ZNF280B: variants seen among roughly 807,000 people sequenced by gnomAD.
ZNF280B encodes suppressor of hairy wing homolog 2.
Under a neutral mutation model 38.0 loss-of-function variants are expected in ZNF280B, and 16 were observed. The observed-to-expected ratio is 0.42, with a 90% confidence interval of 0.28 to 0.64. The LOEUF (loss-of-function observed/expected upper bound fraction) is 0.64, where lower values mean the gene tolerates loss of function less well. Among genes scored for constraint, ZNF280B ranks in the 30% least tolerant of loss-of-function variants. ZNF280B has a pLI of 0.21. For missense variants in ZNF280B, 581 were observed against 639.6 expected, an observed-to-expected ratio of 0.91 and a Z score of 0.99; for synonymous variants, 253 against 230.6, an observed-to-expected ratio of 1.10 and a Z score of -0.88.
At chr22:22,508,139 G>T (rs2146877825) in intron 1 of ZNF280B, among the ~76,000 whole-genome samples, 1 of 152,054 alleles carries the variant, frequency 6.6e-6, no homozygotes, top group Admixed American at 6.6e-5. Context: ...GGTCCCAGGG[G>T]CTGCATTAAG....
intron 2 of ZNF280B, among the ~76,000 whole-genome samples, chr22:22,506,862 G>A (rs575775787): frequency 3.9e-5 from 6 of 152,000 alleles, no homozygotes; most frequent in African/African-American, 1.2e-4. Flanking sequence ...AAATGGTTGC[G>A]GTGGCCATCC....
chr22:22,506,194 G>C (rs1159606656), intron 2 of ZNF280B, among the ~76,000 whole-genome samples: 1 of 151,788 alleles, frequency 6.6e-6, no homozygotes, highest in Non-Finnish European at 1.5e-5. Context: ...TCAGTATGTA[G>C]CATTATTTAA....
chr22:22,498,834 G>A (rs1488183832), intron 2 of ZNF280B, among the ~76,000 whole-genome samples: 1 of 115,012 alleles, frequency 8.7e-6, no homozygotes, highest in Non-Finnish European at 1.6e-5. Flanking sequence ...GTCTCGCTCT[G>A]TCGCCCAGGC....
chr22:22,491,448 GTCTTTTT>G (rs1409342147), intron 3 of ZNF280B, among the ~76,000 whole-genome samples: 1 of 118,302 alleles, frequency 8.5e-6, no homozygotes, highest in African/African-American at 3.9e-5. Context: ...CATTTTTCTT[GTCTTTTT>G]TCTTTTTTTT....
intron 3 of ZNF280B, among the ~76,000 whole-genome samples, chr22:22,491,534 C>T (rs1165792832): frequency 1.3e-5 from 2 of 149,738 alleles, no homozygotes; most frequent in African/African-American, 2.5e-5. Flanking sequence ...TCTCAGCTCA[C>T]GGCAACCTCT....
intron 2 of ZNF280B, among the ~76,000 whole-genome samples, chr22:22,505,080 A>G (rs4820450): frequency 0.15 from 22,551 of 151,886 alleles, 1,960 homozygotes; most frequent in South Asian, 0.29. Context: ...GAATATGGCT[A>G]TCTGGGGAAG....
chr22:22,487,725 A>G lies in ZNF280B; in HGVS notation c.*42T>C. 2 of 1,509,820 alleles carry G rather than the reference A, an allele frequency of 1.3e-6. No homozygotes were observed. The highest frequency in any genetic ancestry group is 1.4e-5 in the South Asian group (1 of 73,938). The allele number at this position is 1,509,820 out of a possible 1,614,324, so 93.5% of individuals were successfully genotyped here. ...ATTTTTTGTTTTATGAGGTTTTTTA[A>G]TTTGGTTTGAAATACTTGCTTTAGA... is the stretch of plus-strand genomic sequence containing the variant. On this transcript the variant is annotated 3_prime_UTR_variant, in exon 4 of 4. Coordinates refer to ENST00000626650, the MANE Select transcript of ZNF280B (RefSeq NM_080764.4).
At position 22,494,096 on chromosome 22, in the gene ZNF280B, CAAG is replaced by C. The variant is rs1053881281; in HGVS notation, c.-105_-103del. On this transcript the variant is annotated 5_prime_UTR_variant, in exon 3 of 4. Transcript: ENST00000626650. The stretch of plus-strand genomic sequence containing the variant: ...CTCTTTCTGTCATGTGAGAACACAG[CAAG>C]AAGGCTGTCATCCACCAGCCAGGAA... 15 of 151,952 alleles carry C rather than the reference CAAG, an allele frequency of 9.9e-5. No homozygotes were observed. The highest frequency in any genetic ancestry group is 3.4e-4 in the African/African-American group (14 of 41,368). The allele number at this position is 151,952 out of a possible 1,614,324, so 9.4% of individuals were successfully genotyped here. A position where few individuals can be genotyped will look rare whatever the true frequency, so the allele number is the denominator to read the frequency against.
chr22:22,500,084 T>C (rs1171016209), intron 2 of ZNF280B, among the ~76,000 whole-genome samples: 8 of 151,930 alleles, frequency 5.3e-5, no homozygotes, highest in Non-Finnish European at 5.9e-5. Context: ...TGACTACTAT[T>C]AAAAAACAAA....
intron 3 of ZNF280B, 71 bp from the exon 4 acceptor site, chr22:22,489,537 T>C (rs2061552004): frequency 1.3e-6 from 1 of 752,982 alleles, no homozygotes; most frequent in Non-Finnish European, 2.1e-6. Context: ...CAAAACATTG[T>C]TTTTATAAAC....
At chr22:22,500,799 C>T (rs533115253) in intron 2 of ZNF280B, among the ~76,000 whole-genome samples, 2 of 151,832 alleles carry the variant, frequency 1.3e-5, no homozygotes, top group East Asian at 2.0e-4. Context: ...GCGGAGGTTG[C>T]AGTGAGCTAA....
At chr22:22,505,713 T>G (rs2061923782) in intron 2 of ZNF280B, among the ~76,000 whole-genome samples, 1 of 150,412 alleles carries the variant, frequency 6.6e-6, no homozygotes, top group Non-Finnish European at 1.5e-5. Flanking sequence ...GAGCCGAGAC[T>G]GCGCCATTGC....
chr22:22,487,786 A>T lies in ZNF280B; in HGVS notation c.1613T>A (p.Ile538Asn). The T allele has an allele frequency of 6.4e-7, 1 of 1,570,358 alleles. No homozygotes were observed. Among genetic ancestry groups the T allele is most frequent in the Non-Finnish European group, 8.6e-7 (1 of 1,162,352 alleles). ...EPSLPRSKSK[I>N]SKKSH ...CTAGAATTAATGGGACTTTTTTGAA[A>T]TTTTGCTTTTAGACCTGGGGAGTGA... The change falls in exon 4 of 4, where the codon ATT (isoleucine) becomes AAT (asparagine). Residue 538 changes from isoleucine to asparagine, a missense_variant. Ile to Asn is a moderately radical substitution (Grantham distance 149). Coordinates refer to ENST00000626650, the MANE Select transcript of ZNF280B (RefSeq NM_080764.4).
At chr22:22,503,150 C>T (rs1198451949) in intron 2 of ZNF280B, among the ~76,000 whole-genome samples, 1 of 151,894 alleles carries the variant, frequency 6.6e-6, no homozygotes, top group Non-Finnish European at 1.5e-5. Context: ...GACTTCTGAC[C>T]TCCCGAACTA....
rs537684296 is a variant in ZNF280B, at chr22:22,500,974, CG to C, written c.-186-6795del. On this transcript the variant is annotated intron_variant, in intron 2 of 3. Transcript: ENST00000626650. ...GGCAGAAGTTGCAGTGAGTGGAGATCGCACCACTGCACTCCAGCCTGGGCAA... is the reference window on the plus strand; with the variant it reads ...GGCAGAAGTTGCAGTGAGTGGAGATCCACCACTGCACTCCAGCCTGGGCAA... Among the ~76,000 whole-genome samples, 550 of 141,932 alleles carry C rather than the reference CG, an allele frequency of 3.9e-3. 4 individuals are homozygous for C. The highest frequency in any genetic ancestry group is 0.014 in the African/African-American group (529 of 38,380). 93.1% of individuals were successfully genotyped at this position (141,932 alleles called of 152,430 possible).
intron 2 of ZNF280B, among the ~76,000 whole-genome samples, chr22:22,497,264 C>CTCACACCTGTA (rs2061720159): frequency 7.5e-6 from 1 of 133,182 alleles, no homozygotes; most frequent in African/African-American, 2.7e-5. Flanking sequence ...GGCACAGTGG[C>CTCACACCTGTA]TCACACCTGT....
At chr22:22,506,424 T>C (rs2061941371) in intron 2 of ZNF280B, among the ~76,000 whole-genome samples, 1 of 151,790 alleles carries the variant, frequency 6.6e-6, no homozygotes, top group Non-Finnish European at 1.5e-5. Flanking sequence ...ATGCTGCCAA[T>C]AGATCAAATA....
chr22:22,488,034 C>G lies in ZNF280B; in HGVS notation c.1365G>C (p.Trp455Cys). The change falls in exon 4 of 4, where the codon TGG (tryptophan) becomes TGC (cysteine). Residue 455 changes from tryptophan to cysteine, a missense_variant. Trp to Cys is a radical substitution (Grantham distance 215, BLOSUM62 -2). Transcript: ENST00000626650. ...TPYMCHYRGH[W>C]GKSAHQCSKC... ...TGGAACACTGGTGTGCACTCTTTCCCCAGTGGCCCCTATAATGACACATGT... is the reference window on the plus strand; with the variant it reads ...TGGAACACTGGTGTGCACTCTTTCCGCAGTGGCCCCTATAATGACACATGT... 1 of 1,613,884 alleles carries G rather than the reference C, an allele frequency of 6.2e-7. No individual in the cohort carries two copies. Among genetic ancestry groups the G allele is most frequent in the Non-Finnish European group, 8.5e-7 (1 of 1,179,966 alleles).
At chr22:22,497,388 G>A (rs764403649) in intron 2 of ZNF280B, among the ~76,000 whole-genome samples, 10 of 151,412 alleles carry the variant, frequency 6.6e-5, no homozygotes, top group Non-Finnish European at 1.3e-4. Context: ...AAAATTTGCC[G>A]GGAGTGGTGG....
Sources: gnomAD v4.1 joint callset for allele counts (sites outside exome capture counted in the v4.1 genomes callset) on GRCh38, gnomAD v4.1.1 for gene constraint, MANE v1.5 for transcripts, NCBI Gene and HGNC (gene_info 2026-07-23, HGNC 2026-07-21) for gene names.